WWOX: variants seen among roughly 807,000 people sequenced by gnomAD.
WWOX encodes the protein WW domain-containing oxidoreductase.
WWOX carries 69 observed loss-of-function variants against 46.2 expected under a neutral mutation model. The observed-to-expected ratio is 1.49, with a 90% CI of 1.23 to 1.82. WWOX has a LOEUF of 1.82. WWOX is among the 40% of genes most tolerant of loss of function. WWOX has a pLI of 0.00. For missense variants in WWOX, 919 were observed against 542.6 expected, an observed-to-expected ratio of 1.69 and a Z score of -6.89; for synonymous variants, 359 against 202.6, an observed-to-expected ratio of 1.77 and a Z score of -6.56.
intron 8 of WWOX, among the ~76,000 whole-genome samples, chr16:78,493,073 C>G (rs537835139): frequency 6.6e-6 from 1 of 152,230 alleles, no homozygotes; most frequent in African/African-American, 2.4e-5. Flanking sequence ...CAGACTAGCC[C>G]CCTGTACAGC....
chr16:78,423,298 G>A (rs1185721080), intron 6 of WWOX, among the ~76,000 whole-genome samples: 1 of 152,052 alleles, frequency 6.6e-6, no homozygotes, highest in Admixed American at 6.6e-5. Context: ...TAACATAAAT[G>A]TTTTATAAGG....
intron 8 of WWOX, among the ~76,000 whole-genome samples, chr16:78,894,883 G>C (rs1426857937): frequency 6.6e-6 from 1 of 152,248 alleles, no homozygotes; most frequent in East Asian, 1.9e-4. Flanking sequence ...GCATAACTCA[G>C]TTCTCGGAAT....
intron 5 of WWOX, among the ~76,000 whole-genome samples, chr16:78,386,032 C>T (rs977998431): frequency 6.6e-6 from 1 of 152,158 alleles, no homozygotes; most frequent in Non-Finnish European, 1.5e-5. Context: ...GCTTCAAATC[C>T]CGACCTCTCC....
At chr16:78,513,457 T>G (rs911141372) in intron 8 of WWOX, among the ~76,000 whole-genome samples, 2 of 152,216 alleles carry the variant, frequency 1.3e-5, no homozygotes, top group Non-Finnish European at 2.9e-5. Context: ...TTGAGACTCC[T>G]TCAATGGGTA....
At chr16:78,254,217 A>G (rs1364919244) in intron 5 of WWOX, among the ~76,000 whole-genome samples, 1 of 151,570 alleles carries the variant, frequency 6.6e-6, no homozygotes. Context: ...TTCACCACCA[A>G]GCTCGGCTAA....
rs181884080 is a variant in WWOX, at chr16:79,100,729, C to A, written c.1057-110879C>A. Among the ~76,000 whole-genome samples, 351 of 152,248 alleles carry A rather than the reference C, an allele frequency of 2.3e-3. 1 individual carries two copies. The Middle Eastern group carries it at 0.024, about 10-fold the overall frequency. On this transcript the variant is annotated intron_variant, in intron 8 of 8. Coordinates refer to ENST00000566780, the MANE Select transcript of WWOX (RefSeq NM_016373.4). ...GCTTCAGCACCTTGGCGTCACCAGG[C>A]TGCAATTAAAATAATTCAGGGACTG...
At chr16:78,624,842 G>A (rs746756817) in intron 8 of WWOX, among the ~76,000 whole-genome samples, 3 of 152,210 alleles carry the variant, frequency 2.0e-5, no homozygotes, top group Non-Finnish European at 4.4e-5. Flanking sequence ...GCCTAAAGGA[G>A]CAGATATCGT....
At chr16:78,615,543 G>C (rs1240478677) in intron 8 of WWOX, among the ~76,000 whole-genome samples, 2 of 151,942 alleles carry the variant, frequency 1.3e-5, no homozygotes, top group African/African-American at 4.8e-5. Context: ...AGCTGCTTGG[G>C]ACTACTAGAA....
At chr16:78,751,534 A>G (rs914128854) in intron 8 of WWOX, among the ~76,000 whole-genome samples, 11 of 148,990 alleles carry the variant, frequency 7.4e-5, no homozygotes, top group African/African-American at 2.2e-4. Context: ...CAAAACTCAT[A>G]TAAAAAGACA....
chr16:78,778,302 G>A (rs188734053), intron 8 of WWOX, among the ~76,000 whole-genome samples: 4 of 152,208 alleles, frequency 2.6e-5, no homozygotes, highest in African/African-American at 7.2e-5. Context: ...CCACTGATAC[G>A]CCGCCAGCAG....
chr16:79,053,089 G>C (rs929416519), intron 8 of WWOX, among the ~76,000 whole-genome samples: 57 of 150,990 alleles, frequency 3.8e-4, no homozygotes, highest in African/African-American at 1.4e-3. Flanking sequence ...ATGCAAAAAG[G>C]ATGAAATCTT....
At chr16:78,571,370 T>A (rs2044712034) in intron 8 of WWOX, among the ~76,000 whole-genome samples, 1 of 151,732 alleles carries the variant, frequency 6.6e-6, no homozygotes, top group Non-Finnish European at 1.5e-5. Context: ...TAAATGTGTA[T>A]ATATATATAT....
At chr16:78,874,249 C>G (rs1414846171) in intron 8 of WWOX, among the ~76,000 whole-genome samples, 1 of 135,774 alleles carries the variant, frequency 7.4e-6, no homozygotes, top group Non-Finnish European at 1.6e-5. Flanking sequence ...GAGCGAGACT[C>G]TGTCTCAAAA....
chr16:78,927,996 G>T (rs567580113), intron 8 of WWOX, among the ~76,000 whole-genome samples: 83 of 152,206 alleles, frequency 5.5e-4, no homozygotes, highest in Non-Finnish European at 1.2e-3. Context: ...GTGTATGTGT[G>T]TGTGCGTGTT....
chr16:78,695,076 A>G (rs1005375776), intron 8 of WWOX, among the ~76,000 whole-genome samples: 3 of 152,140 alleles, frequency 2.0e-5, no homozygotes, highest in African/African-American at 4.8e-5. Context: ...ATTGATCTAG[A>G]CTGCCTGCTA....
At chr16:78,183,495 G>A (rs1263384699) in intron 5 of WWOX, among the ~76,000 whole-genome samples, 2 of 152,212 alleles carry the variant, frequency 1.3e-5, no homozygotes, top group African/African-American at 4.8e-5. Flanking sequence ...GCGCCGTTCT[G>A]TAGCAGTGTT....
At chr16:78,163,171 T>G (rs1017822285) in intron 4 of WWOX, among the ~76,000 whole-genome samples, 3 of 152,224 alleles carry the variant, frequency 2.0e-5, no homozygotes, top group Non-Finnish European at 4.4e-5. Context: ...AGAGTTTATA[T>G]GAGTATTTGA....
chr16:78,565,985 A>G (rs1159036857), intron 8 of WWOX, among the ~76,000 whole-genome samples: 1 of 147,458 alleles, frequency 6.8e-6, no homozygotes, highest in Non-Finnish European at 1.5e-5. Context: ...ACATAATACC[A>G]TAGACTGGGC....
chr16:78,398,149 T>C (rs190328321), intron 6 of WWOX, among the ~76,000 whole-genome samples: 4 of 152,294 alleles, frequency 2.6e-5, no homozygotes, highest in African/African-American at 9.6e-5. Context: ...GATGGCGTGA[T>C]CACTCTCAAG....
Sources: allele counts gnomAD v4.1 joint callset (sites outside exome capture counted in the v4.1 genomes callset), GRCh38; gene constraint gnomAD v4.1.1; transcripts MANE v1.5; gene names NCBI Gene and HGNC (gene_info 2026-07-23, HGNC 2026-07-21).